EIF3J: variants seen among roughly 807,000 people sequenced by gnomAD.
EIF3J encodes eukaryotic translation initiation factor 3 subunit J.
In EIF3J, 15 loss-of-function variants were observed where a neutral mutation model predicts 39.0. The ratio of observed to expected loss-of-function variants is 0.38; its 90% CI spans 0.26 to 0.59. The LOEUF is 0.59. Ranked by LOEUF, EIF3J falls within the 20% of genes least tolerant of loss-of-function variation. EIF3J has a pLI of 0.60. For missense variants in EIF3J, 226 were observed against 308.6 expected (o/e 0.73, Z 2.00); for synonymous variants, 98 against 112.9 (o/e 0.87, Z 0.84).
At chr15:44,553,095 A>G (rs1440580286) in intron 4 of EIF3J, among the ~76,000 whole-genome samples, 1 of 151,706 alleles carries the variant, frequency 6.6e-6, no homozygotes, top group African/African-American at 2.4e-5. Flanking sequence ...CTAAGGTAGG[A>G]GAATCACTTG....
At position 44,562,404 on chromosome 15, in the gene EIF3J, G is replaced by A. The variant is rs2082210462; in HGVS notation, c.*1255G>A. The A allele has an allele frequency of 6.6e-6, 1 of 152,362 alleles. No individual in the cohort carries two copies. Among genetic ancestry groups the A allele is most frequent in the Non-Finnish European group, 1.5e-5 (1 of 68,002 alleles). 9.4% of individuals were successfully genotyped at this position (152,362 alleles called of 1,614,324 possible). A position where few individuals can be genotyped will look rare whatever the true frequency, so the allele number is the denominator to read the frequency against. ...TTTATGGCTGTTAAGTATAGATTGG[G>A]GAATCTTTATTATGTCTTCTCCTAA... On this transcript the variant is annotated 3_prime_UTR_variant, in exon 8 of 8. Coordinates refer to ENST00000261868, the MANE Select transcript of EIF3J (RefSeq NM_003758.4).
intron 5 of EIF3J, 27 bp from the exon 6 acceptor site, chr15:44,557,462 C>G (rs1485879422): frequency 6.8e-7 from 1 of 1,480,252 alleles, no homozygotes; most frequent in Non-Finnish European, 9.0e-7. Context: ...CCTCCTGATA[C>G]TTTTCAGTGC....
At chr15:44,544,098 C>CTTTTTTTT (rs10630378) in intron 2 of EIF3J, among the ~76,000 whole-genome samples, 4 of 134,068 alleles carry the variant, frequency 3.0e-5, no homozygotes, top group Non-Finnish European at 4.6e-5. Context: ...CTTTTCTTTT[C>CTTTTTTTT]TTTTTTTTTT....
At chr15:44,541,674 T>A (rs1008499847) in intron 2 of EIF3J, among the ~76,000 whole-genome samples, 1 of 152,238 alleles carries the variant, frequency 6.6e-6, no homozygotes, top group African/African-American at 2.4e-5. Context: ...GATCTGTATT[T>A]TACAGAATGT....
intron 6 of EIF3J, among the ~76,000 whole-genome samples, chr15:44,558,544 A>G (rs916484358): frequency 7.9e-5 from 12 of 152,084 alleles, no homozygotes; most frequent in African/African-American, 1.9e-4. Flanking sequence ...AAAAAAAGCA[A>G]TTCTCCTGCT....
At chr15:44,550,128 G>A (rs371215666) in intron 2 of EIF3J, among the ~76,000 whole-genome samples, 6 of 152,290 alleles carry the variant, frequency 3.9e-5, no homozygotes, top group African/African-American at 1.2e-4. Flanking sequence ...AATCACTTGT[G>A]AGGGCCTAAG....
In EIF3J at chr15:44,537,267, G is replaced by A. The variant is rs1414668232; in HGVS notation, c.43+30G>A. ...GGAGAAGTTGCTGGGGCAGGGCCCGGGCCGGCGCCGGCCCCACGCAGTGGC... is the reference window on the plus strand; with the variant it reads ...GGAGAAGTTGCTGGGGCAGGGCCCGAGCCGGCGCCGGCCCCACGCAGTGGC... On this transcript the variant is annotated intron_variant, in intron 1 of 7. Transcript: ENST00000261868. The A allele has an allele frequency of 1.9e-6, 3 of 1,569,470 alleles. No individual in the cohort carries two copies. In the South Asian group the frequency reaches 3.5e-5, roughly 18 times the overall value.
At chr15:44,537,701 C>T (rs962839053) in intron 2 of EIF3J, among the ~76,000 whole-genome samples, 1 of 152,214 alleles carries the variant, frequency 6.6e-6, no homozygotes, top group Non-Finnish European at 1.5e-5. Flanking sequence ...TCGGCCGGGT[C>T]GGCCCACGTG....
In EIF3J at chr15:44,555,825, A is replaced by G. The variant is rs1016082167; in HGVS notation, c.409+1158A>G. ...CTAATCTACTTGACATGGAGGATAC[A>G]GAAGCATACTTATCTTAGTGTAAAA... On this transcript the variant is annotated intron_variant, in intron 5 of 7. Coordinates refer to ENST00000261868, the MANE Select transcript of EIF3J (RefSeq NM_003758.4). Among the ~76,000 whole-genome samples, 3 of 152,220 alleles carry G rather than the reference A, an allele frequency of 2.0e-5. No individual in the cohort carries two copies. In the East Asian group the frequency reaches 5.8e-4, roughly 29 times the overall value.
At chr15:44,550,996 G>A (rs2082094394) in intron 3 of EIF3J, 66 bp downstream of exon 3, 1 of 1,542,624 alleles carries the variant, frequency 6.5e-7, no homozygotes, top group South Asian at 1.3e-5. Context: ...CTTGTATTAA[G>A]ACAAATGACA....
At chr15:44,537,535 G>A in intron 2 of EIF3J, 108 bp downstream of exon 2, 4 of 1,147,886 alleles carry the variant, frequency 3.5e-6, no homozygotes, top group Non-Finnish European at 4.7e-6. Flanking sequence ...GGGTCCAGGC[G>A]CGAGCATAGG....
Position 44,561,089 on chromosome 15 carries a change from T to G in EIF3J, c.717T>G (p.Asp239Glu). Residue 239 changes from aspartate to glutamate, a missense_variant, in exon 8 of 8, where the codon GAT becomes GAG. Transcript: ENST00000261868. ...GGGLKATMKD[D>E]LADYGGYDGG... ...GATTAAAAGCCACCATGAAAGATGA[T>G]CTGGCAGATTATGGTGGTTATGATG... 9.3e-6 allele frequency: 15 copies of G among 1,613,662 alleles called. No individual in the cohort carries two copies. Among genetic ancestry groups the G allele is most frequent in the Non-Finnish European group, 1.3e-5 (15 of 1,179,802 alleles).
At chr15:44,537,542 T>C in intron 2 of EIF3J, 115 bp downstream of exon 2, 1 of 1,114,604 alleles carries the variant, frequency 9.0e-7, no homozygotes. Context: ...GGCGCGAGCA[T>C]AGGGCCTGGC....
intron 2 of EIF3J, among the ~76,000 whole-genome samples, chr15:44,538,199 T>G (rs2081977033): frequency 6.6e-6 from 1 of 152,178 alleles, no homozygotes; most frequent in Non-Finnish European, 1.5e-5. Context: ...TGTCTGTGCC[T>G]TGTAGATAAT....
chr15:44,539,736 T>TTC (rs1294977435), intron 2 of EIF3J, among the ~76,000 whole-genome samples: 245 of 147,720 alleles, frequency 1.7e-3, no homozygotes, highest in African/African-American at 5.8e-3. Context: ...CTTTTTCTTT[T>TTC]TTTTTTTTTT....
chr15:44,537,633 G>A (rs1020353869), intron 2 of EIF3J, among the ~76,000 whole-genome samples: 2 of 152,250 alleles, frequency 1.3e-5, no homozygotes, highest in Non-Finnish European at 1.5e-5. Flanking sequence ...CTCGCCGGTT[G>A]AGAGTCTGCT....
intron 2 of EIF3J, among the ~76,000 whole-genome samples, chr15:44,550,034 C>T (rs1313076824): frequency 6.6e-6 from 1 of 151,908 alleles, no homozygotes; most frequent in Non-Finnish European, 1.5e-5. Context: ...ACAATAGAGG[C>T]ATTTCCATCA....
intron 6 of EIF3J, among the ~76,000 whole-genome samples, chr15:44,559,380 C>T (rs2140903538): frequency 6.7e-6 from 1 of 149,136 alleles, no homozygotes; most frequent in East Asian, 2.0e-4. Context: ...CCACTGTACC[C>T]CAGCCTGGTG....
intron 4 of EIF3J, among the ~76,000 whole-genome samples, chr15:44,552,775 G>T (rs2082111131): frequency 6.6e-6 from 1 of 152,130 alleles, no homozygotes; most frequent in Non-Finnish European, 1.5e-5. Flanking sequence ...GGCCAGGTTG[G>T]TCTCAAACTC....
Sources: gnomAD v4.1 joint callset for allele counts (sites outside exome capture counted in the v4.1 genomes callset) on GRCh38, gnomAD v4.1.1 for gene constraint, MANE v1.5 for transcripts, NCBI Gene and HGNC (gene_info 2026-07-23, HGNC 2026-07-21) for gene names.